The following MAML3 variants were observed in gnomAD, a reference collection of about 807,000 sequenced individuals.
The protein encoded by MAML3 is mastermind like transcriptional coactivator 3.
Under a neutral mutation model 101.9 loss-of-function variants are expected in MAML3, and 27 were observed. That is an observed-to-expected ratio of 0.27 (90% CI 0.20 to 0.37). The LOEUF is 0.37. MAML3 is among the 10% of genes least tolerant of loss of function. The pLI is 1.00. For synonymous variants in MAML3, 501 were observed against 555.9 expected (o/e 0.90, Z 1.39); for missense variants, 1,316 against 1,444.9 (o/e 0.91, Z 1.45).
At position 139,889,859 on chromosome 4, in the gene MAML3, C is replaced by G. The variant is rs1175081379; in HGVS notation, c.1577G>C (p.Ser526Thr). 9 of 1,613,478 alleles carry G rather than the reference C, an allele frequency of 5.6e-6. No homozygotes were observed. The highest frequency in any genetic ancestry group is 7.6e-6 in the Non-Finnish European group (9 of 1,179,850). The change falls in exon 2 of 5, where the codon AGT becomes ACT. Residue 526 changes from serine to threonine, a missense_variant. By Grantham distance (58) the Ser-to-Thr change is moderately conservative. Transcript: ENST00000509479. ...SNWSPLGPPS[S>T]PYGAAFTAEK... ...TGCAGTAAAAGCTGCTCCATATGGA[C>G]TAGAGGGAGGTCCTAAGGGAGACCA...
At chr4:139,727,938 G>A (rs932658487) in intron 3 of MAML3, among the ~76,000 whole-genome samples, 1 of 152,148 alleles carries the variant, frequency 6.6e-6, no homozygotes, top group Non-Finnish European at 1.5e-5. Context: ...AGAGCTGGCC[G>A]GGTGCCGTGG....
Position 139,727,918 on chromosome 4 carries a change from C to T in MAML3, c.2332-2083G>A, listed in dbSNP as rs1486458888. ...GATCTGGCAGTATTCACTCTCAAAA[C>T]GAAAAACTGAGAGCTGGCCGGGTGC... On this transcript the variant is annotated intron_variant, in intron 3 of 4. Transcript: ENST00000509479. Among the ~76,000 whole-genome samples, 5 of 151,516 alleles carry T rather than the reference C, an allele frequency of 3.3e-5. No individual in the cohort carries two copies. The East Asian group carries it at 5.8e-4, about 18-fold the overall frequency.
intron 1 of MAML3, among the ~76,000 whole-genome samples, chr4:139,952,892 G>A (rs528708711): frequency 3.9e-5 from 6 of 152,282 alleles, no homozygotes; most frequent in African/African-American, 9.6e-5. Flanking sequence ...TCCAAGATCC[G>A]TGGAGGAGCT....
chr4:139,811,150 T>G (rs1412247290), intron 2 of MAML3, among the ~76,000 whole-genome samples: 1 of 152,226 alleles, frequency 6.6e-6, no homozygotes, highest in Non-Finnish European at 1.5e-5. Context: ...TCTTATTACA[T>G]GAGGAAAATG....
At chr4:139,744,443 G>A (rs1208593721) in intron 2 of MAML3, among the ~76,000 whole-genome samples, 1 of 152,304 alleles carries the variant, frequency 6.6e-6, no homozygotes, top group African/African-American at 2.4e-5. Context: ...TTATAGCTTT[G>A]CTTGGGATTT....
At chr4:140,111,016 C>T (rs1044897762) in intron 1 of MAML3, among the ~76,000 whole-genome samples, 8 of 152,058 alleles carry the variant, frequency 5.3e-5, no homozygotes, top group African/African-American at 1.2e-4. Context: ...AGAATGGGCC[C>T]GAAATGTTTT....
intron 1 of MAML3, among the ~76,000 whole-genome samples, chr4:140,003,530 T>G (rs1726372775): frequency 1.3e-5 from 2 of 152,170 alleles, no homozygotes; most frequent in Non-Finnish European, 2.9e-5. Context: ...TCAACTCGAA[T>G]AGCTGAGAAG....
intron 2 of MAML3, among the ~76,000 whole-genome samples, chr4:139,832,920 C>A (rs1046315179): frequency 2.0e-5 from 3 of 152,166 alleles, no homozygotes; most frequent in Non-Finnish European, 4.4e-5. Flanking sequence ...AGAAGGGAGA[C>A]GCATCTCCTT....
intron 1 of MAML3, among the ~76,000 whole-genome samples, chr4:140,111,697 T>C (rs1728441173): frequency 6.6e-6 from 1 of 152,034 alleles, no homozygotes; most frequent in South Asian, 2.1e-4. Flanking sequence ...ACCCCTACTG[T>C]GGGAGAATAC....
intron 2 of MAML3, among the ~76,000 whole-genome samples, chr4:139,875,439 C>T (rs1732095416): frequency 6.6e-6 from 1 of 152,166 alleles, no homozygotes; most frequent in Admixed American, 6.5e-5. Flanking sequence ...AACACTCTGC[C>T]AACTGTCCAA....
intron 1 of MAML3, among the ~76,000 whole-genome samples, chr4:140,040,311 T>C (rs542747996): frequency 6.6e-6 from 1 of 152,250 alleles, no homozygotes; most frequent in South Asian, 2.1e-4. Flanking sequence ...CAAAGAAATA[T>C]ACCGTGAACT....
chr4:139,772,057 G>A (rs1730000140), intron 2 of MAML3, among the ~76,000 whole-genome samples: 1 of 150,822 alleles, frequency 6.6e-6, no homozygotes, highest in Non-Finnish European at 1.5e-5. Context: ...GGCTAACACG[G>A]TGAAACCCCC....
intron 2 of MAML3, among the ~76,000 whole-genome samples, chr4:139,792,988 C>T (rs951995311): frequency 1.3e-5 from 2 of 151,996 alleles, no homozygotes; most frequent in Non-Finnish European, 2.9e-5. Flanking sequence ...CCTTGTGATC[C>T]GCCCGCCTCG....
At chr4:139,753,045 C>T (rs903129739) in intron 2 of MAML3, among the ~76,000 whole-genome samples, 7 of 152,094 alleles carry the variant, frequency 4.6e-5, no homozygotes, top group South Asian at 4.2e-4. Flanking sequence ...GACTTATGAC[C>T]GTCTTGAATC....
intron 1 of MAML3, among the ~76,000 whole-genome samples, chr4:139,929,367 C>A (rs1015461116): frequency 2.0e-5 from 3 of 152,172 alleles, no homozygotes; most frequent in South Asian, 2.1e-4. Flanking sequence ...CACCACACAG[C>A]GGTATTTTCT....
At chr4:140,071,319 C>G (rs149705259) in intron 1 of MAML3, among the ~76,000 whole-genome samples, 1 of 152,166 alleles carries the variant, frequency 6.6e-6, no homozygotes, top group African/African-American at 2.4e-5. Context: ...ACTCCACCAG[C>G]CTTTTCCTTC....
chr4:139,939,460 G>A (rs1158965281), intron 1 of MAML3, among the ~76,000 whole-genome samples: 1 of 152,034 alleles, frequency 6.6e-6, no homozygotes, highest in Non-Finnish European at 1.5e-5. Context: ...TGATCTCAGT[G>A]TCTAGAATGC....
chr4:139,790,242 T>A (rs890074784), intron 2 of MAML3, among the ~76,000 whole-genome samples: 18 of 140,508 alleles, frequency 1.3e-4, no homozygotes, highest in East Asian at 6.1e-4. Context: ...TATATATATA[T>A]AAATAAATAT....
intron 1 of MAML3, among the ~76,000 whole-genome samples, chr4:140,071,058 T>C (rs1309499939): frequency 6.6e-6 from 1 of 152,184 alleles, no homozygotes; most frequent in African/African-American, 2.4e-5. Context: ...AACTCCAGCT[T>C]CCAGGATCAC....
Sources: allele counts gnomAD v4.1 joint callset (sites outside exome capture counted in the v4.1 genomes callset), GRCh38; gene constraint gnomAD v4.1.1; transcripts MANE v1.5; gene names NCBI Gene and HGNC (gene_info 2026-07-23, HGNC 2026-07-21).